MPPED1: variants seen among roughly 807,000 people sequenced by gnomAD.
MPPED1 encodes metallophosphoesterase domain containing 1, also known as metallophosphoesterase domain-containing protein 1.
Under a neutral mutation model 36.2 loss-of-function variants are expected in MPPED1, and 16 were observed. That is an observed-to-expected ratio of 0.44 (90% CI 0.30 to 0.67). The LOEUF is 0.67. Among genes scored for constraint, MPPED1 ranks in the 30% least tolerant of loss-of-function variants. The probability of loss-of-function intolerance (pLI) is 0.10; values close to 1 mark genes in which losing one functional copy is unlikely to be tolerated. For synonymous variants in MPPED1, 199 were observed against 191.3 expected, an observed-to-expected ratio of 1.04 and a Z score of -0.33; for missense variants, 307 against 453.4, an observed-to-expected ratio of 0.68 and a Z score of 2.93.
intron 2 of MPPED1, among the ~76,000 whole-genome samples, chr22:43,430,676 G>C (rs928672040): frequency 3.3e-5 from 5 of 152,176 alleles, no homozygotes; most frequent in African/African-American, 1.2e-4. Flanking sequence ...AGAAGCCTTT[G>C]CTTCCACGTC....
At chr22:43,416,921 G>C (rs1929095061) in intron 1 of MPPED1, 1 of 935,254 alleles carries the variant, frequency 1.1e-6, no homozygotes, top group Non-Finnish European at 1.3e-6. Flanking sequence ...AGAATATTCA[G>C]AATTTGAAGA....
chr22:43,415,300 G>A (rs1035219656), intron 1 of MPPED1, among the ~76,000 whole-genome samples: 24 of 150,658 alleles, frequency 1.6e-4, no homozygotes, highest in Non-Finnish European at 3.1e-4. Flanking sequence ...CTTTTTGGGG[G>A]TGGTATTGGA....
intron 1 of MPPED1, among the ~76,000 whole-genome samples, chr22:43,414,050 C>G (rs5759327): frequency 6.6e-6 from 1 of 152,076 alleles, no homozygotes; most frequent in Non-Finnish European, 1.5e-5. Context: ...GCTGATGCCC[C>G]GTGGGCTATG....
chr22:43,478,413 A>T (rs575748828), intron 4 of MPPED1, among the ~76,000 whole-genome samples: 1 of 152,180 alleles, frequency 6.6e-6, no homozygotes, highest in Non-Finnish European at 1.5e-5. Context: ...TGCTGCCTTC[A>T]TGGGGTTTAC....
chr22:43,495,489 AGGTAGTGGTGGTGGAGGTGGTGGTGGT>A (rs1932255494), intron 4 of MPPED1, among the ~76,000 whole-genome samples: 1 of 10,480 alleles, frequency 9.5e-5, no homozygotes, highest in African/African-American at 8.9e-4. Context: ...GTGGTGGTGG[AGGTAGTGGTGGTGGAGGTGGTGGTGGT>A]GGTGGAGGTG....
At chr22:43,451,698 C>T (rs376319152) in intron 3 of MPPED1, among the ~76,000 whole-genome samples, 6 of 152,342 alleles carry the variant, frequency 3.9e-5, no homozygotes, top group African/African-American at 1.4e-4. Context: ...GCTCATTGAT[C>T]CAACCATGCG....
intron 3 of MPPED1, among the ~76,000 whole-genome samples, chr22:43,436,061 T>C (rs1929948192): frequency 6.6e-6 from 1 of 152,212 alleles, no homozygotes; most frequent in Admixed American, 6.5e-5. Flanking sequence ...CACTGCGCCA[T>C]GGTGGGTGAT....
intron 6 of MPPED1, among the ~76,000 whole-genome samples, chr22:43,503,293 T>C (rs572026578): frequency 6.6e-6 from 1 of 152,330 alleles, no homozygotes; most frequent in African/African-American, 2.4e-5. Context: ...CGTTCCCTAG[T>C]AGACCTCAGC....
At chr22:43,420,653 C>T (rs983900655) in intron 1 of MPPED1, among the ~76,000 whole-genome samples, 5 of 152,178 alleles carry the variant, frequency 3.3e-5, no homozygotes, top group African/African-American at 4.8e-5. Flanking sequence ...CCTCCCGCCT[C>T]GGCGTCCCAA....
chr22:43,482,406 CAGG>C (rs1412706906), intron 4 of MPPED1, among the ~76,000 whole-genome samples: 1 of 152,084 alleles, frequency 6.6e-6, no homozygotes, highest in Non-Finnish European at 1.5e-5. Context: ...TGTCTCCCGG[CAGG>C]GCTGGACCTC....
intron 2 of MPPED1, among the ~76,000 whole-genome samples, chr22:43,432,968 G>T (rs528577758): frequency 6.6e-6 from 1 of 151,602 alleles, no homozygotes; most frequent in South Asian, 2.1e-4. Context: ...GAGAGGGAGA[G>T]AATATGAATG....
At position 43,435,184 on chromosome 22, in the gene MPPED1, G is replaced by C. The variant is rs771136266; in HGVS notation, c.375G>C (p.Pro125=). 1.9e-6 allele frequency: 3 copies of C among 1,611,270 alleles called. No homozygotes were observed. The highest frequency in any genetic ancestry group is 2.7e-5 in the African/African-American group (2 of 74,940). Residue 125 remains proline (P), a synonymous_variant, in exon 3 of 7, where the codon CCG becomes CCC. Transcript: ENST00000443721. ...HAGDFTELGL[P]SEVKKFNEWL... is the part of the protein sequence containing the mutation. The stretch of plus-strand genomic sequence containing the variant: ...GGGACTTCACTGAGCTGGGGCTCCC[G>C]AGCGAGGTGAAGAAGTTCAACGAGT...
At chr22:43,419,944 C>T (rs1019617963) in intron 1 of MPPED1, among the ~76,000 whole-genome samples, 2 of 152,084 alleles carry the variant, frequency 1.3e-5, no homozygotes, top group Non-Finnish European at 2.9e-5. Flanking sequence ...GAGAGGAAAA[C>T]GGAAAGAGAA....
chr22:43,430,795 G>A (rs1929650738), intron 2 of MPPED1, among the ~76,000 whole-genome samples: 1 of 152,004 alleles, frequency 6.6e-6, no homozygotes, highest in Admixed American at 6.6e-5. Context: ...CTGTTGTGAA[G>A]TCCTGGGTTT....
chr22:43,431,526 A>AAGTCCAGCCTGGTAAC (rs1298099721), intron 2 of MPPED1, among the ~76,000 whole-genome samples: 1 of 152,180 alleles, frequency 6.6e-6, no homozygotes, highest in African/African-American at 2.4e-5. Context: ...GAATGAAATG[A>AAGTCCAGCCTGGTAAC]AGTCCAGCCT....
chr22:43,455,208 C>G (rs1031213039), intron 3 of MPPED1, among the ~76,000 whole-genome samples: 2 of 148,264 alleles, frequency 1.3e-5, no homozygotes, highest in Non-Finnish European at 3.0e-5. Context: ...CCCTGGGATT[C>G]AAGCGATTCT....
intron 4 of MPPED1, among the ~76,000 whole-genome samples, chr22:43,485,563 C>T (rs1202681016): frequency 1.3e-5 from 2 of 152,038 alleles, no homozygotes; most frequent in African/African-American, 4.8e-5. Context: ...ACACAGACAC[C>T]GCCACGATTT....
At chr22:43,425,412 G>A (rs1201892478) in intron 2 of MPPED1, among the ~76,000 whole-genome samples, 4 of 152,262 alleles carry the variant, frequency 2.6e-5, no homozygotes, top group Admixed American at 6.5e-5. Flanking sequence ...CCTGTGGGCC[G>A]ATTCTGGCCG....
intron 3 of MPPED1, among the ~76,000 whole-genome samples, chr22:43,470,331 A>T (rs1173253965): frequency 6.6e-6 from 1 of 151,788 alleles, no homozygotes; most frequent in East Asian, 1.9e-4. Context: ...CCATCTATCC[A>T]TTCATCCATC....
Sources: gnomAD v4.1 joint callset for allele counts (sites outside exome capture counted in the v4.1 genomes callset) on GRCh38, gnomAD v4.1.1 for gene constraint, MANE v1.5 for transcripts, NCBI Gene and HGNC (gene_info 2026-07-23, HGNC 2026-07-21) for gene names.